The following ACAT1 variants were observed in gnomAD, a reference collection of about 807,000 sequenced individuals.
The protein encoded by ACAT1 is acetyl-CoA acetyltransferase, mitochondrial.
A neutral mutation model predicts 47.3 loss-of-function variants in ACAT1; 28 were observed. The ratio of observed to expected loss-of-function variants is 0.59; its 90% CI spans 0.44 to 0.81. ACAT1 has a LOEUF of 0.81. Ranked by LOEUF, ACAT1 falls within the 30% of genes least tolerant of loss-of-function variation. The probability of loss-of-function intolerance (pLI) is 0.00; values close to 1 mark genes in which losing one functional copy is unlikely to be tolerated. For missense variants in ACAT1, 469 were observed against 524.3 expected, an observed-to-expected ratio of 0.89 and a Z score of 1.03; for synonymous variants, 181 against 173.6, an observed-to-expected ratio of 1.04 and a Z score of -0.34.
chr11:108,141,042 G>T (rs981325648), intron 7 of ACAT1, among the ~76,000 whole-genome samples: 1 of 151,860 alleles, frequency 6.6e-6, no homozygotes, highest in Admixed American at 6.6e-5. Context: ...CCTGGGCAAC[G>T]AAGTGAGACT....
intron 2 of ACAT1, among the ~76,000 whole-genome samples, chr11:108,132,480 C>A (rs1027481371): frequency 6.6e-6 from 1 of 152,156 alleles, no homozygotes; most frequent in Non-Finnish European, 1.5e-5. Flanking sequence ...AGAGAACTGT[C>A]ACAGTGCTGT....
intron 5 of ACAT1, among the ~76,000 whole-genome samples, chr11:108,138,052 G>A (rs943755546): frequency 1.3e-5 from 2 of 151,334 alleles, no homozygotes; most frequent in East Asian, 2.0e-4. Context: ...GCAGTGGTGC[G>A]ATCTTGGCTC....
rs2077151380 is a variant in ACAT1, at chr11:108,121,646, A to C, written c.40A>C (p.Ser14Arg). 3 of 1,550,198 alleles carry C rather than the reference A, an allele frequency of 1.9e-6. No individual in the cohort carries two copies. The highest frequency in any genetic ancestry group is 1.4e-5 in the African/African-American group (1 of 73,122). The change falls in exon 1 of 12, where the codon AGC becomes CGC. Residue 14 changes from serine to arginine, a missense_variant. By Grantham distance (110) the Ser-to-Arg change is moderately radical (BLOSUM62 -1). Coordinates refer to ENST00000265838, the MANE Select transcript of ACAT1 (RefSeq NM_000019.4). The stretch of plus-strand genomic sequence containing the variant: ...GGCACTTCTGCGCAGCGGCGCCCGC[A>C]GCCGCAGCCCCCTGCTCCGGAGGCT... ...LAALLRSGAR[S>R]RSPLLRRLVQ...
At chr11:108,145,516 G>A (rs958908407) in intron 10 of ACAT1, among the ~76,000 whole-genome samples, 1 of 151,930 alleles carries the variant, frequency 6.6e-6, no homozygotes. Context: ...CTGGGTGACA[G>A]AGCAAGACCC....
chr11:108,136,032 A>G (rs945505118), intron 5 of ACAT1: 5 of 609,122 alleles, frequency 8.2e-6, no homozygotes, highest in South Asian at 2.0e-5. Flanking sequence ...CAGGCTTTCT[A>G]ATTAGCCTTG....
intron 5 of ACAT1, among the ~76,000 whole-genome samples, chr11:108,135,694 G>A (rs2135343711): frequency 6.6e-6 from 1 of 152,198 alleles, no homozygotes; most frequent in South Asian, 2.1e-4. Context: ...TGGGCGTGGT[G>A]GCAGGTGCCT....
chr11:108,136,253 T>C (rs2077466464), intron 5 of ACAT1: 3 of 427,924 alleles, frequency 7.0e-6, no homozygotes, highest in Non-Finnish European at 1.2e-5. Flanking sequence ...GTGACAGTCA[T>C]TGGAAATAGA....
In ACAT1 at chr11:108,140,212, A is replaced by G; in HGVS notation, c.727A>G (p.Lys243Glu). Residue 243 changes from lysine to glutamate, a missense_variant, in exon 7 of 12, where the codon AAA becomes GAA. Coordinates refer to ENST00000265838, the MANE Select transcript of ACAT1 (RefSeq NM_000019.4). ...AGTTATTCCTGTCACAGTTACAGTA[A>G]AAGGTAGAGATAATGTTCCAAAAAG... ...NEVIPVTVTV[K>E]GQPDVVVKED... 1 of 1,614,116 alleles carries G rather than the reference A, an allele frequency of 6.2e-7. No individual in the cohort carries two copies.
chr11:108,117,411 G>A (rs1180971304), upstream of ACAT1, among the ~76,000 whole-genome samples: 2 of 151,724 alleles, frequency 1.3e-5, no homozygotes, highest in East Asian at 2.0e-4. Flanking sequence ...GGGTTCAAGC[G>A]ATTCTCTTGC....
In ACAT1 at chr11:108,134,232, G is replaced by C. The variant is rs984322895; in HGVS notation, c.250G>C (p.Glu84Gln). ...GAIEKAGIPK[E>Q]EVKEAYMGNV... ...TTTTTTTAATAAAGGGATTCCAAAA[G>C]AAGAAGTGAAAGAAGCATACATGGG... Residue 84 changes from glutamate to glutamine, a missense_variant, in exon 4 of 12, where the codon GAA (glutamate) becomes CAA (glutamine). Transcript: ENST00000265838. 1.2e-6 allele frequency: 2 copies of C among 1,608,812 alleles called. No individual in the cohort carries two copies. The highest frequency in any genetic ancestry group is 2.7e-5 in the African/African-American group (2 of 74,234).
At chr11:108,138,868 A>T (rs2077523258) in intron 5 of ACAT1, 30 bp from the exon 6 acceptor site, 19 of 1,614,022 alleles carry the variant, frequency 1.2e-5, no homozygotes, top group Non-Finnish European at 1.5e-5. Context: ...ATTTGTATTA[A>T]CATTGGGTTT....
chr11:108,145,867 G>T (rs2077696286), intron 10 of ACAT1, among the ~76,000 whole-genome samples: 1 of 152,152 alleles, frequency 6.6e-6, no homozygotes, highest in Non-Finnish European at 1.5e-5. Context: ...CAAACATGGT[G>T]AAACCCTGTC....
chr11:108,147,213 T>C, intron 11 of ACAT1, 57 bp from the exon 12 acceptor site: 1 of 1,595,630 alleles, frequency 6.3e-7, no homozygotes, highest in East Asian at 2.2e-5. Flanking sequence ...TAGAAACATT[T>C]TGGTTAGTCA....
At chr11:108,123,817 A>C (rs1436566566) in intron 1 of ACAT1, among the ~76,000 whole-genome samples, 1 of 152,056 alleles carries the variant, frequency 6.6e-6, no homozygotes, top group Admixed American at 6.6e-5. Context: ...TGCTCAGCCC[A>C]AGTTTTTTCT....
At chr11:108,130,897 C>G (rs970218873) in intron 1 of ACAT1, among the ~76,000 whole-genome samples, 5 of 151,946 alleles carry the variant, frequency 3.3e-5, no homozygotes, top group African/African-American at 1.2e-4. Context: ...TTACAGGTGC[C>G]CGCTACCACG....
In ACAT1 at chr11:108,121,610, G is replaced by A; in HGVS notation, c.4G>A (p.Ala2Thr). M[A>T]VLAALLRSGA... ...CGATACTCAGCCCTCTGCGACCATG[G>A]CTGTGCTGGCGGCACTTCTGCGCAG... Residue 2 changes from alanine (A) to threonine (T), a missense_variant, in exon 1 of 12, where the codon GCT (alanine) becomes ACT (threonine). Physicochemically the swap from Ala to Thr is moderately conservative, Grantham distance 58. Coordinates refer to ENST00000265838, the MANE Select transcript of ACAT1 (RefSeq NM_000019.4). 1.3e-6 allele frequency: 2 copies of A among 1,550,820 alleles called. No individual in the cohort carries two copies. Among genetic ancestry groups the A allele is most frequent in the Admixed American group, 3.9e-5 (2 of 51,114 alleles).
At chr11:108,129,820 A>G (rs1371575609) in intron 1 of ACAT1, among the ~76,000 whole-genome samples, 2 of 152,170 alleles carry the variant, frequency 1.3e-5, no homozygotes, top group South Asian at 2.1e-4. Flanking sequence ...CAAGGATAGG[A>G]AATAAAGTGC....
rs528408411 is a variant in ACAT1 at position 108,139,841 on chromosome 11, C to T, written c.580-224C>T. Among the ~76,000 whole-genome samples, 613 of 151,926 alleles carry T rather than the reference C, an allele frequency of 4.0e-3. 4 individuals carry two copies. The highest frequency in any genetic ancestry group is 0.01 in the Middle Eastern group (3 of 292). On this transcript the variant is annotated intron_variant, in intron 6 of 11. Coordinates refer to ENST00000265838, the MANE Select transcript of ACAT1 (RefSeq NM_000019.4). Reference sequence around the variant, plus strand: ...ATGCCCGGCTAATTTTTAGTAGAGACGGGGTTTCACCATGTTGGCCAGGAT... The same window carrying T: ...ATGCCCGGCTAATTTTTAGTAGAGATGGGGTTTCACCATGTTGGCCAGGAT...
At chr11:108,144,326 G>A in intron 10 of ACAT1, 1 of 447,726 alleles carries the variant, frequency 2.2e-6, no homozygotes, top group Non-Finnish European at 4.0e-6. Flanking sequence ...CACACCTGGT[G>A]TGGTAACCAC....
Sources: allele counts gnomAD v4.1 joint callset (sites outside exome capture counted in the v4.1 genomes callset), GRCh38; gene constraint gnomAD v4.1.1; transcripts MANE v1.5; gene names NCBI Gene and HGNC (gene_info 2026-07-23, HGNC 2026-07-21).